Variants in ZNF99 observed in about 807,000 individuals in gnomAD.
The protein encoded by ZNF99 is zinc finger protein 99, also known as zinc finger protein ENSP00000375192.
In ZNF99, 8 loss-of-function variants were observed where a neutral mutation model predicts 12.8. The ratio of observed to expected loss-of-function variants is 0.62; its 90% CI spans 0.37 to 1.13. ZNF99 has a LOEUF of 1.13. Ranked by LOEUF, ZNF99 falls within the 50% of genes most tolerant of loss-of-function variation. The pLI is 0.02. For missense variants in ZNF99, 1,007 were observed against 1,006.2 expected (o/e 1.00, Z -0.01); for synonymous variants, 318 against 319.0 (o/e 1.00, Z 0.03).
At position 22,757,641 on chromosome 19, in the gene ZNF99, A is replaced by G. The variant is rs1257618819; in HGVS notation, c.2268T>C (p.Thr756=). The stretch of plus-strand genomic sequence containing the variant: ...CTTCACATTTGCAGGGTTTCTCTGC[A>G]GTATGAATTACCTTATGTACAGTAA... The part of the protein sequence containing the change: ...SKLTVHKVIH[T]AEKPCKCEEC... Residue 756 remains threonine (T), a synonymous_variant, in exon 4 of 4, where the codon ACT becomes ACC. Coordinates refer to ENST00000596209, the MANE Select transcript of ZNF99 (RefSeq NM_001080409.3). 6.2e-7 allele frequency: 1 copy of G among 1,611,744 alleles called. No individual in the cohort carries two copies. The highest frequency in any genetic ancestry group is 8.5e-7 in the Non-Finnish European group (1 of 1,179,674).
chr19:22,779,321 C>T (rs771079998), intron 1 of ZNF99, among the ~76,000 whole-genome samples: 7 of 151,988 alleles, frequency 4.6e-5, no homozygotes, highest in Non-Finnish European at 8.8e-5. Context: ...GTCAGGAGTT[C>T]GAGACCAGCT....
chr19:22,764,035 A>G (rs1973178612), intron 3 of ZNF99, among the ~76,000 whole-genome samples: 1 of 150,256 alleles, frequency 6.7e-6, no homozygotes, highest in Non-Finnish European at 1.5e-5. Context: ...CAGCCTCCCA[A>G]GTAGCTGGGA....
In ZNF99 at chr19:22,755,431, GTT is replaced by G; in HGVS notation, c.*1881_*1882del. The G allele has an allele frequency of 3.4e-6, 1 of 294,722 alleles. No homozygotes were observed. Among genetic ancestry groups the G allele is most frequent in the Non-Finnish European group, 7.0e-6 (1 of 143,284 alleles). The allele number at this position is 294,722 out of a possible 1,614,324, so 18.3% of individuals were successfully genotyped here. Reference sequence around the variant, plus strand: ...AGTAAGGTTTGAGGACCAGTTAAAAGTTTTGCCACACTCTTCACATGAGGCGG... The same window carrying G: ...AGTAAGGTTTGAGGACCAGTTAAAAGTTGCCACACTCTTCACATGAGGCGG... On this transcript the variant is annotated 3_prime_UTR_variant, in exon 4 of 4. Coordinates refer to ENST00000596209, the MANE Select transcript of ZNF99 (RefSeq NM_001080409.3).
chr19:22,780,884 C>G (rs1469947772), intron 1 of ZNF99, among the ~76,000 whole-genome samples: 1 of 150,822 alleles, frequency 6.6e-6, no homozygotes, highest in Non-Finnish European at 1.5e-5. Flanking sequence ...CAATTACCAC[C>G]TTTTCTTGTG....
chr19:22,753,594 T>G lies in ZNF99; in HGVS notation c.*3720A>C, dbSNP rs575020941. 6.5e-6 allele frequency: 1 copy of G among 152,748 alleles called. No individual in the cohort carries two copies. The highest frequency in any genetic ancestry group is 2.1e-4 in the South Asian group (1 of 4,862). The allele number at this position is 152,748 out of a possible 1,614,324, so 9.5% of individuals were successfully genotyped here. On this transcript the variant is annotated 3_prime_UTR_variant, in exon 4 of 4. Coordinates refer to ENST00000596209, the MANE Select transcript of ZNF99 (RefSeq NM_001080409.3). ...TGCACAATAAGATCTGTGATACAAA[T>G]ATAGTACTACAACCGTCTTTATATT...
chr19:22,764,676 C>G (rs1035499092), intron 3 of ZNF99, among the ~76,000 whole-genome samples: 7 of 151,544 alleles, frequency 4.6e-5, no homozygotes, highest in Admixed American at 6.6e-5. Context: ...GCTAAGGACA[C>G]AAATAGACAA....
chr19:22,769,107 C>T (rs2040184665), intron 2 of ZNF99, 91 bp downstream of exon 2: 1 of 1,366,122 alleles, frequency 7.3e-7, no homozygotes, highest in Non-Finnish European at 9.9e-7. Flanking sequence ...CTTATTTATG[C>T]TAAGCATAAA....
intron 1 of ZNF99, among the ~76,000 whole-genome samples, chr19:22,776,826 C>T (rs1973334771): frequency 6.6e-6 from 1 of 152,110 alleles, no homozygotes; most frequent in Admixed American, 6.6e-5. Context: ...AACCGAAATG[C>T]CTATCAATGG....
At chr19:22,783,445 TAA>T (rs1296599919) in intron 1 of ZNF99, among the ~76,000 whole-genome samples, 3 of 151,966 alleles carry the variant, frequency 2.0e-5, no homozygotes, top group African/African-American at 7.2e-5. Flanking sequence ...AGAATCTACG[TAA>T]CTGTACATAA....
At position 22,755,555 on chromosome 19, in the gene ZNF99, ATTATC is replaced by A; in HGVS notation, c.*1754_*1758del. 2 of 303,494 alleles carry A rather than the reference ATTATC, an allele frequency of 6.6e-6. No homozygotes were observed. The highest frequency in any genetic ancestry group is 1.3e-5 in the Non-Finnish European group (2 of 149,644). The allele number at this position is 303,494 out of a possible 1,614,324, so 18.8% of individuals were successfully genotyped here. A position where few individuals can be genotyped will look rare whatever the true frequency, so the allele number is the denominator to read the frequency against. On this transcript the variant is annotated 3_prime_UTR_variant, in exon 4 of 4. Coordinates refer to ENST00000596209, the MANE Select transcript of ZNF99 (RefSeq NM_001080409.3). ...TTTGTAAAGTATCTCTCCAGTATGAATTATCTTATGTTCAGTAAGTTTTGAGAAGC... is the reference window on the plus strand; with the variant it reads ...TTTGTAAAGTATCTCTCCAGTATGAATTATGTTCAGTAAGTTTTGAGAAGC...
rs1236200997 is a variant in ZNF99, at chr19:22,756,639, A to C, written c.*675T>G. The stretch of plus-strand genomic sequence containing the variant: ...CACATTTGTACGGTTTCTCCCCAGT[A>C]TGAATTATCTTATGTTTCATAAGGG... On this transcript the variant is annotated 3_prime_UTR_variant, in exon 4 of 4. Coordinates refer to ENST00000596209, the MANE Select transcript of ZNF99 (RefSeq NM_001080409.3). 6.3e-7 allele frequency: 1 copy of C among 1,593,764 alleles called. No individual in the cohort carries two copies. Among genetic ancestry groups the C allele is most frequent in the Admixed American group, 1.7e-5 (1 of 58,960 alleles).
intron 2 of ZNF99, 142 bp from the exon 3 acceptor site, chr19:22,768,542 T>C (rs1973229944): frequency 2.9e-6 from 2 of 696,282 alleles, no homozygotes; most frequent in South Asian, 6.0e-5. Flanking sequence ...ATTTAGAAAA[T>C]ATTTTCAATT....
intron 1 of ZNF99, among the ~76,000 whole-genome samples, chr19:22,782,480 C>G (rs1207759574): frequency 6.6e-6 from 1 of 150,958 alleles, no homozygotes; most frequent in African/African-American, 2.4e-5. Flanking sequence ...CTCAGCCCCA[C>G]GAGTAGCTAG....
rs756714898 is a variant in ZNF99 at position 22,758,029 on chromosome 19, C to T, written c.1880G>A (p.Gly627Asp). ...GGTTGAGGACTGGCTAAAAGCTTTG[C>T]CACATTCTTCACATTTGTAGGGTTT... The part of the protein sequence containing the change: ...GKKPYKCEEC[G>D]KAFSQSSTLR... Residue 627 changes from glycine (G) to aspartate (D), a missense_variant, in exon 4 of 4, where the codon GGC (glycine) becomes GAC (aspartate). By Grantham distance (94) the Gly-to-Asp change is moderately conservative (BLOSUM62 -1). Transcript: ENST00000596209. 3 of 1,610,752 alleles carry T rather than the reference C, an allele frequency of 1.9e-6. No individual in the cohort carries two copies. Among genetic ancestry groups the T allele is most frequent in the Non-Finnish European group, 2.5e-6 (3 of 1,177,908 alleles).
chr19:22,759,157 T>A lies in ZNF99; in HGVS notation c.752A>T (p.His251Leu). Residue 251 changes from histidine (H) to leucine (L), a missense_variant, in exon 4 of 4, where the codon CAT becomes CTT. His to Leu is a moderately conservative substitution (Grantham distance 99). Transcript: ENST00000596209. ...SSMFTKCKII[H>L]TGKKPCKCEE... ...ACATTTGCAGGGTTTCTTTCCAGTA[T>A]GAATTATCTTACATTTAGTGAACAT... 6.2e-7 allele frequency: 1 copy of A among 1,605,862 alleles called. No homozygotes were observed. Among genetic ancestry groups the A allele is most frequent in the South Asian group, 1.1e-5 (1 of 90,594 alleles).
chr19:22,755,308 A>T lies in ZNF99; in HGVS notation c.*2006T>A. On this transcript the variant is annotated 3_prime_UTR_variant, in exon 4 of 4. Transcript: ENST00000596209. ...TTTCTAGAGTTTGTCTTCAGTATCAACTATTTTCTGTTGAGTAAGGTCTGA... is the reference window on the plus strand; with the variant it reads ...TTTCTAGAGTTTGTCTTCAGTATCATCTATTTTCTGTTGAGTAAGGTCTGA... 3.9e-6 allele frequency: 1 copy of T among 258,300 alleles called. No individual in the cohort carries two copies. 16.0% of individuals were successfully genotyped at this position (258,300 alleles called of 1,614,324 possible). A position where few individuals can be genotyped will look rare whatever the true frequency, so the allele number is the denominator to read the frequency against.
intron 3 of ZNF99, among the ~76,000 whole-genome samples, chr19:22,763,810 C>T (rs1334954293): frequency 6.6e-6 from 1 of 151,346 alleles, no homozygotes; most frequent in Non-Finnish European, 1.5e-5. Flanking sequence ...GAATAGAGAA[C>T]CCAGAAATAA....
intron 1 of ZNF99, among the ~76,000 whole-genome samples, chr19:22,773,015 G>A (rs1363794465): frequency 6.6e-6 from 1 of 152,168 alleles, no homozygotes; most frequent in Non-Finnish European, 1.5e-5. Flanking sequence ...GAAGATACAA[G>A]AGTCACTGAA....
At chr19:22,763,268 A>C (rs1973168954) in intron 3 of ZNF99, among the ~76,000 whole-genome samples, 1 of 152,180 alleles carries the variant, frequency 6.6e-6, no homozygotes, top group Non-Finnish European at 1.5e-5. Context: ...TAGAAGTGAT[A>C]AAATAATTCA....
Sources: allele counts gnomAD v4.1 joint callset (sites outside exome capture counted in the v4.1 genomes callset), GRCh38; gene constraint gnomAD v4.1.1; transcripts MANE v1.5; gene names NCBI Gene and HGNC (gene_info 2026-07-23, HGNC 2026-07-21).